TMCO5A: variants seen among roughly 807,000 people sequenced by gnomAD.
TMCO5A encodes transmembrane and coiled-coil domain-containing protein 5A.
In TMCO5A, 34 loss-of-function variants were observed where a neutral mutation model predicts 42.3. The observed-to-expected ratio is 0.80, with a 90% CI of 0.61 to 1.07. The LOEUF is 1.07. Ranked by LOEUF, TMCO5A falls within the 50% of genes least tolerant of loss-of-function variation. The pLI, the probability that TMCO5A is intolerant of heterozygous loss-of-function variation, is 0.00. For synonymous variants in TMCO5A, 131 were observed against 115.6 expected, an observed-to-expected ratio of 1.13 and a Z score of -0.86; for missense variants, 357 against 327.9, an observed-to-expected ratio of 1.09 and a Z score of -0.69.
chr15:38,037,094 C>T, the TMCO5A span, among the ~76,000 whole-genome samples: 1 of 152,284 alleles, frequency 6.6e-6, no homozygotes, highest in Middle Eastern at 3.4e-3. Context: ...AAAATCAGCT[C>T]AGTCATTGAT....
At chr15:37,952,081 A>C (rs1890173862), downstream of TMCO5A, among the ~76,000 whole-genome samples, 1 of 152,130 alleles carries the variant, frequency 6.6e-6, no homozygotes, top group African/African-American at 2.4e-5. Flanking sequence ...GCTAGAGGAG[A>C]ATTGCTGATC....
intron 11 of TMCO5A, among the ~76,000 whole-genome samples, chr15:37,965,067 C>T (rs1490035434): frequency 6.6e-5 from 10 of 152,164 alleles, no homozygotes; most frequent in African/African-American, 1.9e-4. Flanking sequence ...AAAACAGACA[C>T]ATATACCAAT....
In TMCO5A at chr15:37,947,253, T is replaced by C. The variant is rs185258648; in HGVS notation, c.628-403T>C. On this transcript the variant is annotated intron_variant, in intron 10 of 11. Transcript: ENST00000319669. ...TTTTATAGCTTTTAAGACTTATCTC[T>C]TAAGATATGTTTATATAGTTTTCTT... is the stretch of plus-strand genomic sequence containing the variant. Among the ~76,000 whole-genome samples the C allele has an allele frequency of 2.0e-3, 303 of 152,170 alleles. 2 individuals are homozygous for C. The highest frequency in any genetic ancestry group is 6.7e-3 in the African/African-American group (279 of 41,570).
In TMCO5A at chr15:37,941,776, A is replaced by G. The variant is rs1443329335; in HGVS notation, c.504+46A>G. The G allele has an allele frequency of 3.4e-6, 5 of 1,479,884 alleles. No homozygotes were observed. In the South Asian group the frequency reaches 4.5e-5, roughly 13 times the overall value. 91.7% of individuals were successfully genotyped at this position (1,479,884 alleles called of 1,614,324 possible). On this transcript the variant is annotated intron_variant, in intron 8 of 11. Coordinates refer to ENST00000319669, the MANE Select transcript of TMCO5A (RefSeq NM_152453.4). ...GATAGCAAAGGGTTTATTAAGGTAC[A>G]GGATGAAATAGAACAAGGATTTTCA... is the stretch of plus-strand genomic sequence containing the variant.
the TMCO5A span, among the ~76,000 whole-genome samples, chr15:38,034,818 T>C: frequency 6.6e-6 from 1 of 152,120 alleles, no homozygotes; most frequent in Non-Finnish European, 1.5e-5. Flanking sequence ...ACTCCATGCT[T>C]TAAAGTGACC....
chr15:37,995,852 A>C, the TMCO5A span, among the ~76,000 whole-genome samples: 1,167 of 152,138 alleles, frequency 7.7e-3, 7 homozygotes, highest in African/African-American at 0.015. Flanking sequence ...CTCCAAAAAA[A>C]AAACAAACAA....
chr15:38,031,656 C>A, the TMCO5A span, among the ~76,000 whole-genome samples: 1 of 152,174 alleles, frequency 6.6e-6, no homozygotes, highest in East Asian at 1.9e-4. Context: ...GTCAATCCTT[C>A]AAATTACTAC....
chr15:37,963,028 G>A (rs1323493708), intron 11 of TMCO5A, among the ~76,000 whole-genome samples: 1 of 151,610 alleles, frequency 6.6e-6, no homozygotes, highest in Admixed American at 6.6e-5. Context: ...TTCTTTTGTT[G>A]TTGTTGTTTG....
At chr15:37,987,768 C>A in the TMCO5A span, among the ~76,000 whole-genome samples, 2 of 151,912 alleles carry the variant, frequency 1.3e-5, no homozygotes, top group Non-Finnish European at 2.9e-5. Context: ...ATGACTGTGG[C>A]TTTTTAGTAA....
At chr15:37,942,089 C>A in intron 8 of TMCO5A, 102 bp from the exon 9 acceptor site, 2 of 1,090,608 alleles carry the variant, frequency 1.8e-6, no homozygotes, top group Non-Finnish European at 2.7e-6. Flanking sequence ...AGTGGGAATA[C>A]CAAGCATTCA....
the TMCO5A span, among the ~76,000 whole-genome samples, chr15:37,976,998 C>G: frequency 2.0e-5 from 3 of 152,114 alleles, no homozygotes; most frequent in Admixed American, 6.5e-5. Context: ...TCTCAAACTC[C>G]TATCTTAAAG....
chr15:37,942,310 A>C (rs1889776675), intron 9 of TMCO5A, 55 bp downstream of exon 9: 1 of 1,556,640 alleles, frequency 6.4e-7, no homozygotes, highest in Admixed American at 1.8e-5. Context: ...TCTCAGCCTG[A>C]GTCAGAGCAA....
At chr15:37,995,801 C>T in the TMCO5A span, among the ~76,000 whole-genome samples, 923 of 151,538 alleles carry the variant, frequency 6.1e-3, 5 homozygotes, top group Middle Eastern at 0.037. Flanking sequence ...AACAAAATTG[C>T]GTTTCCAGAG....
downstream of TMCO5A, among the ~76,000 whole-genome samples, chr15:37,956,365 G>C (rs1053121590): frequency 1.3e-5 from 2 of 151,812 alleles, no homozygotes; most frequent in African/African-American, 4.8e-5. Context: ...TAATAAAGAA[G>C]AAAACAGAGA....
chr15:37,944,456 G>A (rs1889862536), intron 10 of TMCO5A: 1 of 152,094 alleles, frequency 6.6e-6, no homozygotes, highest in South Asian at 2.1e-4. Flanking sequence ...CAATGACCTA[G>A]TGATGTCTGA....
At chr15:38,017,204 T>C in the TMCO5A span, among the ~76,000 whole-genome samples, 3 of 152,164 alleles carry the variant, frequency 2.0e-5, no homozygotes, top group Non-Finnish European at 4.4e-5. Flanking sequence ...TTCTGGATAT[T>C]ATAAAAGCAT....
chr15:38,006,425 T>A, the TMCO5A span, among the ~76,000 whole-genome samples: 1 of 152,306 alleles, frequency 6.6e-6, no homozygotes, highest in Non-Finnish European at 1.5e-5. Flanking sequence ...GGAGAATTTG[T>A]AATACGATTT....
At chr15:37,999,649 A>T in the TMCO5A span, among the ~76,000 whole-genome samples, 4 of 152,280 alleles carry the variant, frequency 2.6e-5, no homozygotes, top group East Asian at 5.8e-4. Flanking sequence ...ATTCAGTGTT[A>T]TACTAGCTGT....
intron 4 of TMCO5A, among the ~76,000 whole-genome samples, 173 bp from the exon 5 acceptor site, chr15:37,937,173 C>A (rs1464764224): frequency 6.6e-6 from 1 of 152,112 alleles, no homozygotes; most frequent in Non-Finnish European, 1.5e-5. Flanking sequence ...TGCAGATGGG[C>A]ATCTATATCC....
Sources: gnomAD v4.1 joint callset for allele counts (sites outside exome capture counted in the v4.1 genomes callset) on GRCh38, gnomAD v4.1.1 for gene constraint, MANE v1.5 for transcripts, NCBI Gene and HGNC (gene_info 2026-07-23, HGNC 2026-07-21) for gene names.